The following CSMD1 variants were observed in gnomAD, a reference collection of about 807,000 sequenced individuals.
The protein encoded by CSMD1 is CUB and Sushi multiple domains 1, also known as CUB and sushi domain-containing protein 1.
A neutral mutation model predicts 417.5 loss-of-function variants in CSMD1; 213 were observed. The observed-to-expected ratio is 0.51, with a 90% CI of 0.46 to 0.57. The LOEUF is 0.57. Among genes scored for constraint, CSMD1 ranks in the 20% least tolerant of loss-of-function variants. The pLI is 0.00. For missense variants in CSMD1, 6,923 were observed against 4,529.7 expected (o/e 1.53, Z -15.17); for synonymous variants, 2,862 against 1,736.8 (o/e 1.65, Z -16.11).
chr8:4,324,250 G>C (rs923311578), intron 3 of CSMD1, among the ~76,000 whole-genome samples: 2 of 152,202 alleles, frequency 1.3e-5, no homozygotes, highest in South Asian at 4.1e-4. Flanking sequence ...CACCAAGAAT[G>C]TGAGTTCTGA....
intron 1 of CSMD1, among the ~76,000 whole-genome samples, chr8:4,638,459 A>G (rs1177946399): frequency 6.6e-6 from 1 of 152,198 alleles, no homozygotes; most frequent in Non-Finnish European, 1.5e-5. Context: ...AAAACAAGGT[A>G]AGTTAAATGA....
At chr8:3,708,565 C>T (rs1245182283) in intron 6 of CSMD1, 74 bp from the exon 7 acceptor site, 1 of 1,276,346 alleles carries the variant, frequency 7.8e-7, no homozygotes, top group Non-Finnish European at 1.1e-6. Context: ...CCACACAGCA[C>T]TTCCAGTCAT....
intron 1 of CSMD1, among the ~76,000 whole-genome samples, chr8:4,667,440 G>GA (rs200681585): frequency 0.043 from 6,103 of 141,398 alleles, 296 homozygotes; most frequent in African/African-American, 0.12. Context: ...GAACAATTTA[G>GA]AAAAAAAAAA....
At chr8:3,286,801 G>C (rs78200478) in intron 25 of CSMD1, among the ~76,000 whole-genome samples, 2 of 151,876 alleles carry the variant, frequency 1.3e-5, no homozygotes, top group South Asian at 2.1e-4. Context: ...GTAGTTTCTT[G>C]TGCTGTGCAG....
intron 3 of CSMD1, among the ~76,000 whole-genome samples, chr8:4,229,183 G>T (rs1285645001): frequency 6.6e-6 from 1 of 152,126 alleles, no homozygotes; most frequent in Non-Finnish European, 1.5e-5. Context: ...GAGTCAACTT[G>T]TATTCCTCCT....
chr8:4,562,325 C>T (rs1419036876), intron 2 of CSMD1, among the ~76,000 whole-genome samples: 1 of 152,124 alleles, frequency 6.6e-6, no homozygotes, highest in African/African-American at 2.4e-5. Flanking sequence ...CAGTGGGAGG[C>T]CCCCAAGAAA....
chr8:3,452,051 C>G lies in CSMD1; in HGVS notation c.1561+16661G>C, dbSNP rs1445072600. Among the ~76,000 whole-genome samples the G allele has an allele frequency of 7.2e-5, 11 of 152,192 alleles. No homozygotes were observed. The East Asian group carries it at 1.9e-3, about 27-fold the overall frequency. On this transcript the variant is annotated intron_variant, in intron 12 of 69. Coordinates refer to ENST00000635120, the MANE Select transcript of CSMD1 (RefSeq NM_033225.6). Reference sequence around the variant, plus strand: ...CTTCACATCCCTTGTAAGTTGGATTCCTAGGTATTTTATTCTCTTTGAAGC... The same window carrying G: ...CTTCACATCCCTTGTAAGTTGGATTGCTAGGTATTTTATTCTCTTTGAAGC...
chr8:4,300,317 A>G (rs745391899), intron 3 of CSMD1, among the ~76,000 whole-genome samples: 13 of 152,222 alleles, frequency 8.5e-5, no homozygotes, highest in Non-Finnish European at 1.3e-4. Flanking sequence ...GGGGACCTCA[A>G]AAAGTTTGTG....
intron 3 of CSMD1, among the ~76,000 whole-genome samples, chr8:4,215,006 A>C (rs748301678): frequency 6.6e-6 from 1 of 152,188 alleles, no homozygotes; most frequent in Non-Finnish European, 1.5e-5. Flanking sequence ...TGAGAAAGTC[A>C]AGTTCAATTC....
At chr8:3,073,934 C>T (rs974431071) in intron 49 of CSMD1, among the ~76,000 whole-genome samples, 1 of 152,036 alleles carries the variant, frequency 6.6e-6, no homozygotes, top group South Asian at 2.1e-4. Context: ...CTTTTTATTG[C>T]AACATAAATT....
intron 3 of CSMD1, among the ~76,000 whole-genome samples, chr8:4,081,003 C>T (rs934761505): frequency 4.9e-4 from 74 of 152,204 alleles, no homozygotes; most frequent in African/African-American, 1.7e-3. Context: ...AGTATTCATC[C>T]CCTTTTCGCC....
At chr8:3,399,324 C>A (rs758854890) in intron 16 of CSMD1, 67 bp downstream of exon 16, 22 of 1,402,484 alleles carry the variant, frequency 1.6e-5, no homozygotes, top group Non-Finnish European at 2.1e-5. Context: ...AGTTTAAGAT[C>A]CATTTACTAA....
Position 3,054,594 on chromosome 8 carries a change from G to C in CSMD1, c.7475-1947C>G, listed in dbSNP as rs891432560. Among the ~76,000 whole-genome samples the C allele has an allele frequency of 3.3e-5, 5 of 151,788 alleles. No homozygotes were observed. The South Asian group carries it at 6.3e-4, about 19-fold the overall frequency. On this transcript the variant is annotated intron_variant, in intron 49 of 69. Coordinates refer to ENST00000635120, the MANE Select transcript of CSMD1 (RefSeq NM_033225.6). ...AATTATGCCAGTGCACTCCAGACTG[G>C]GTGATAGAGCAAGGCCCTGTCTCAA...
chr8:4,461,303 T>G (rs908584203), intron 2 of CSMD1, among the ~76,000 whole-genome samples: 1 of 152,126 alleles, frequency 6.6e-6, no homozygotes, highest in East Asian at 1.9e-4. Flanking sequence ...GAACATTTTC[T>G]GCCTAAAATC....
chr8:3,322,545 T>G (rs1231083797), intron 23 of CSMD1, among the ~76,000 whole-genome samples: 5 of 152,216 alleles, frequency 3.3e-5, no homozygotes, highest in African/African-American at 1.2e-4. Context: ...CATAACTACC[T>G]ATGGAACTTT....
intron 2 of CSMD1, among the ~76,000 whole-genome samples, chr8:4,437,834 C>T (rs901255029): frequency 1.3e-5 from 2 of 152,178 alleles, no homozygotes; most frequent in African/African-American, 4.8e-5. Context: ...GTCTGTAAAA[C>T]TGTGCAGGTC....
chr8:4,406,640 C>T (rs901784179), intron 3 of CSMD1, among the ~76,000 whole-genome samples: 3 of 152,190 alleles, frequency 2.0e-5, no homozygotes, highest in African/African-American at 7.2e-5. Context: ...GGCCACACAA[C>T]AGGAAGCATG....
chr8:3,057,604 C>G (rs1812319579), intron 49 of CSMD1, among the ~76,000 whole-genome samples: 1 of 152,042 alleles, frequency 6.6e-6, no homozygotes. Context: ...TTAATTTTCA[C>G]TACAAGCCTA....
chr8:3,453,712 G>A (rs1024462807), intron 12 of CSMD1, among the ~76,000 whole-genome samples: 5 of 152,160 alleles, frequency 3.3e-5, no homozygotes, highest in African/African-American at 2.4e-5. Context: ...TACATTTGCT[G>A]AGGAGAGCTT....
Sources: gnomAD v4.1 joint callset for allele counts (sites outside exome capture counted in the v4.1 genomes callset) on GRCh38, gnomAD v4.1.1 for gene constraint, MANE v1.5 for transcripts, NCBI Gene and HGNC (gene_info 2026-07-23, HGNC 2026-07-21) for gene names.